TBC1D16: variants seen among roughly 807,000 people sequenced by gnomAD.
The protein encoded by TBC1D16 is CTD-2529O21.1.
A neutral mutation model predicts 74.7 loss-of-function variants in TBC1D16; 58 were observed. That is an observed-to-expected ratio of 0.78 (90% CI 0.63 to 0.97). TBC1D16 has a LOEUF of 0.97. Among genes scored for constraint, TBC1D16 ranks in the 50% least tolerant of loss-of-function variants. The pLI, the probability that TBC1D16 is intolerant of heterozygous loss-of-function variation, is 0.00. For synonymous variants in TBC1D16, 493 were observed against 474.7 expected (o/e 1.04, Z -0.50); for missense variants, 1,014 against 1,079.5 (o/e 0.94, Z 0.85).
rs932946773 is a variant in TBC1D16 at position 80,013,623 on chromosome 17, A to G, written c.-62-14T>C. 50 of 1,407,314 alleles carry G rather than the reference A, an allele frequency of 3.6e-5. No homozygotes were observed. The highest frequency in any genetic ancestry group is 4.3e-5 in the Non-Finnish European group (46 of 1,061,914). 87.2% of individuals were successfully genotyped at this position (1,407,314 alleles called of 1,614,324 possible). A position where few individuals can be genotyped will look rare whatever the true frequency, so the allele number is the denominator to read the frequency against. ...GTCAAGACCTGCCTGGGGGAGGAAG[A>G]GAGAGGAGATGGTCAAGGTTGTGGA... On this transcript the variant is annotated splice_polypyrimidine_tract_variant and intron_variant, in intron 1 of 11. Transcript: ENST00000310924.
chr17:79,976,711 A>G (rs1452260224), intron 3 of TBC1D16, among the ~76,000 whole-genome samples: 6 of 152,218 alleles, frequency 3.9e-5, no homozygotes, highest in Non-Finnish European at 8.8e-5. Flanking sequence ...CCACGTCATT[A>G]TCCTGGAGGG....
In TBC1D16 at chr17:79,994,258, T is replaced by C. The variant is rs1422496799; in HGVS notation, c.779+15902A>G. The stretch of plus-strand genomic sequence containing the variant: ...TCCCTTGGGGGACATACCTGGCTGG[T>C]GACTTCTAGAATCCCAGCTCAGGGC... On this transcript the variant is annotated intron_variant, in intron 3 of 11. Transcript: ENST00000310924. This position sits in a 1 kb window ranked among gnomAD's most constrained non-coding sequence, Gnocchi z 4.6. 6.6e-6 allele frequency among the ~76,000 whole-genome samples: 1 copy of C among 151,478 alleles called. No homozygotes were observed. The highest frequency in any genetic ancestry group is 1.5e-5 in the Non-Finnish European group (1 of 67,924).
chr17:79,940,972 C>T lies in TBC1D16; in HGVS notation c.2191G>A (p.Gly731Ser), dbSNP rs756894540. The T allele has an allele frequency of 1.0e-4, 165 of 1,605,888 alleles. 1 individual carries two copies. The South Asian group carries it at 1.3e-3, about 13-fold the overall frequency. Residue 731 changes from glycine (G) to serine (S), a missense_variant, in exon 12 of 12, where the codon GGC becomes AGC. Coordinates refer to ENST00000310924, the MANE Select transcript of TBC1D16 (RefSeq NM_019020.4). The surrounding 1 kb of genome is among the most constrained non-coding windows in gnomAD (Gnocchi z 5.4). The stretch of plus-strand genomic sequence containing the variant: ...CCCCCGTAGGGACAGCTCTCCGAGC[C>T]GGGATGGTGGCCGGTGCACTCCACC... Reference protein sequence around the residue: ...PAVECTGHHPGSESCPYGGTV... With the variant: ...PAVECTGHHPSSESCPYGGTV...
rs2032254133 is a variant in TBC1D16, at chr17:79,943,768, A to G, written c.1908+1140T>C. 5.9e-6 allele frequency: 7 copies of G among 1,186,698 alleles called. No homozygotes were observed. In the South Asian group the frequency reaches 1.3e-4, roughly 22 times the overall value. 73.5% of individuals were successfully genotyped at this position (1,186,698 alleles called of 1,614,324 possible). ...TACACTTGGGACACAGTAGGTGTCC[A>G]TGGGAAAGGGACCCATCTGCCGGGC... On this transcript the variant is annotated intron_variant, in intron 10 of 11. Transcript: ENST00000310924.
At chr17:80,017,419 C>T (rs907852994) in intron 1 of TBC1D16, among the ~76,000 whole-genome samples, 2 of 152,136 alleles carry the variant, frequency 1.3e-5, no homozygotes, top group East Asian at 1.9e-4. Flanking sequence ...CGGTGGCTCA[C>T]GCCTGTAATC....
At chr17:79,964,538 T>C (rs1282377441) in intron 3 of TBC1D16, among the ~76,000 whole-genome samples, 1 of 152,144 alleles carries the variant, frequency 6.6e-6, no homozygotes. Context: ...ACGAAGAAAC[T>C]TCTGGGGGTG....
intron 3 of TBC1D16, among the ~76,000 whole-genome samples, chr17:80,003,772 C>T (rs1348988291): frequency 6.6e-6 from 1 of 152,194 alleles, no homozygotes. Flanking sequence ...TCATCAGGGC[C>T]GGGCACGCGG....
At chr17:79,976,923 G>A (rs1451558925) in intron 3 of TBC1D16, among the ~76,000 whole-genome samples, 3 of 152,176 alleles carry the variant, frequency 2.0e-5, no homozygotes, top group Non-Finnish European at 4.4e-5. Flanking sequence ...CAGCCCAGGT[G>A]AGGCCTGCCC....
rs746450905 is a variant in TBC1D16, at chr17:79,960,779, CAA to C, written c.780-7963_780-7962del. ...CAAAAAAACCCAAAAAACAAAAACC[CAA>C]AAAAAAAAAAAAAAAAAAAAAAAAA... is the stretch of plus-strand genomic sequence containing the variant. On this transcript the variant is annotated intron_variant, in intron 3 of 11. Coordinates refer to ENST00000310924, the MANE Select transcript of TBC1D16 (RefSeq NM_019020.4). Among the ~76,000 whole-genome samples the C allele has an allele frequency of 7.7e-4, 26 of 33,946 alleles. 4 individuals are homozygous for C. Among genetic ancestry groups the C allele is most frequent in the South Asian group, 6.3e-3 (4 of 640 alleles). 22.3% of individuals were successfully genotyped at this position (33,946 alleles called of 152,430 possible).
intron 1 of TBC1D16, among the ~76,000 whole-genome samples, chr17:80,024,713 CAT>C (rs201947902): frequency 0.48 from 28,271 of 59,238 alleles, 3,867 homozygotes; most frequent in Admixed American, 0.59. Context: ...CACGACACAC[CAT>C]AGTCACACCA....
chr17:80,018,912 C>CTTT (rs1416700599), intron 1 of TBC1D16, among the ~76,000 whole-genome samples: 1 of 150,158 alleles, frequency 6.7e-6, no homozygotes, highest in Non-Finnish European at 1.5e-5. Flanking sequence ...ATTTTATGTC[C>CTTT]TTAAAGTCTC....
In TBC1D16 at chr17:79,994,426, GTTTA is replaced by G. The variant is rs1303373477; in HGVS notation, c.779+15730_779+15733del. On this transcript the variant is annotated intron_variant, in intron 3 of 11. Transcript: ENST00000310924. The surrounding 1 kb of genome is among the most constrained non-coding windows in gnomAD (Gnocchi z 4.6). ...AGAATATTTTGTTTTGTTTTGTTTT[GTTTA>G]TTTTTTTATTGAGACGAAGTCTCAC... Among the ~76,000 whole-genome samples the G allele has an allele frequency of 1.3e-5, 2 of 152,074 alleles. No homozygotes were observed. The highest frequency in any genetic ancestry group is 2.9e-5 in the Non-Finnish European group (2 of 68,000).
At position 79,950,917 on chromosome 17, in the gene TBC1D16, G is replaced by C; in HGVS notation, c.1090-339C>G. ...GCCTGCAATGAATTACATGTGATTG[G>C]CCACATACAAAGGGATCGCTGTTCT... On this transcript the variant is annotated intron_variant, in intron 5 of 11. Coordinates refer to ENST00000310924, the MANE Select transcript of TBC1D16 (RefSeq NM_019020.4). This position sits in a 1 kb window ranked among gnomAD's most constrained non-coding sequence, Gnocchi z 4.6. 7.2e-7 allele frequency: 1 copy of C among 1,380,014 alleles called. No homozygotes were observed. The highest frequency in any genetic ancestry group is 9.7e-7 in the Non-Finnish European group (1 of 1,032,770). The allele number at this position is 1,380,014 out of a possible 1,614,324, so 85.5% of individuals were successfully genotyped here.
chr17:79,942,224 G>A lies in TBC1D16; in HGVS notation c.1909-18C>T. 2 of 1,573,506 alleles carry A rather than the reference G, an allele frequency of 1.3e-6. No individual in the cohort carries two copies. Among genetic ancestry groups the A allele is most frequent in the African/African-American group, 1.4e-5 (1 of 74,062 alleles). ...TAGTCCGTCTGTGGAGGCGGGTAGA[G>A]TTCAGACACGGGCTCTGACCGAGCC... is the stretch of plus-strand genomic sequence containing the variant. On this transcript the variant is annotated intron_variant, in intron 10 of 11. Coordinates refer to ENST00000310924, the MANE Select transcript of TBC1D16 (RefSeq NM_019020.4).
In TBC1D16 at chr17:79,986,242, T is replaced by G. The variant is rs113145091; in HGVS notation, c.779+23918A>C. Among the ~76,000 whole-genome samples the G allele has an allele frequency of 2.2e-3, 338 of 152,340 alleles. 1 individual carries two copies. The highest frequency in any genetic ancestry group is 7.5e-3 in the African/African-American group (311 of 41,580). ...TGGGTGCTGGGTCCACCTCACCCAC[T>G]TGGGGCAAAGCCATCTCTCACTTTA... On this transcript the variant is annotated intron_variant, in intron 3 of 11. Transcript: ENST00000310924. The surrounding 1 kb of genome is among the most constrained non-coding windows in gnomAD (Gnocchi z 6.0).
intron 3 of TBC1D16, among the ~76,000 whole-genome samples, chr17:79,977,579 C>G (rs1046398582): frequency 1.3e-5 from 2 of 152,266 alleles, no homozygotes; most frequent in African/African-American, 2.4e-5. Flanking sequence ...TTCCTTCCCC[C>G]ACCTGTGAGA....
At chr17:79,943,925 C>T in intron 10 of TBC1D16, 2 of 1,438,486 alleles carry the variant, frequency 1.4e-6, no homozygotes, top group Admixed American at 2.5e-5. Context: ...GCCTCTCAGA[C>T]CGTCCATGCC....
chr17:79,998,963 A>T (rs185621137), intron 3 of TBC1D16, among the ~76,000 whole-genome samples: 279 of 152,288 alleles, frequency 1.8e-3, no homozygotes, highest in African/African-American at 5.9e-3. Flanking sequence ...TCCTTAATAA[A>T]ACGTGAATGG....
In TBC1D16 at chr17:79,988,013, A is replaced by T. The variant is rs2034909701; in HGVS notation, c.779+22147T>A. 6.6e-6 allele frequency among the ~76,000 whole-genome samples: 1 copy of T among 150,462 alleles called. No individual in the cohort carries two copies. ...TGCCCAGCAATTCTGAATGTGGTTTAAAAAAAAAATTAGGTGGGGGAGAAT... is the reference window on the plus strand; with the variant it reads ...TGCCCAGCAATTCTGAATGTGGTTTTAAAAAAAAATTAGGTGGGGGAGAAT... On this transcript the variant is annotated intron_variant, in intron 3 of 11. Transcript: ENST00000310924. This position sits in a 1 kb window ranked among gnomAD's most constrained non-coding sequence, Gnocchi z 5.7.
Sources: gnomAD v4.1 joint callset for allele counts (sites outside exome capture counted in the v4.1 genomes callset) on GRCh38, gnomAD v4.1.1 for gene constraint, Gnocchi (gnomAD v3.1) non-coding constraint, MANE v1.5 for transcripts, NCBI Gene and HGNC (gene_info 2026-07-23, HGNC 2026-07-21) for gene names.